The following TTLL11 variants were observed in gnomAD, a reference collection of about 807,000 sequenced individuals.
The protein encoded by TTLL11 is tubulin polyglutamylase TTLL11.
A neutral mutation model predicts 51.7 loss-of-function variants in TTLL11; 42 were observed. That is an observed-to-expected ratio of 0.81 (90% confidence interval 0.64 to 1.05). The LOEUF is 1.05. TTLL11 is among the 50% of genes least tolerant of loss of function. The pLI is 0.00. For missense variants in TTLL11, 799 were observed against 940.4 expected (o/e 0.85, Z 1.97); for synonymous variants, 381 against 383.5 (o/e 0.99, Z 0.08).
intron 4 of TTLL11, among the ~76,000 whole-genome samples, chr9:121,978,582 A>G (rs1842765826): frequency 6.6e-6 from 1 of 152,140 alleles, no homozygotes; most frequent in South Asian, 2.1e-4. Context: ...CAGGAATTGT[A>G]AATGGAGAGC....
chr9:121,993,708 A>C (rs1393187814), intron 3 of TTLL11, among the ~76,000 whole-genome samples: 1 of 152,220 alleles, frequency 6.6e-6, no homozygotes, highest in African/African-American at 2.4e-5. Flanking sequence ...TCAGCAGGGC[A>C]TTTGGAGGAA....
At chr9:121,940,688 C>T (rs1470699396) in intron 6 of TTLL11, among the ~76,000 whole-genome samples, 3 of 152,162 alleles carry the variant, frequency 2.0e-5, no homozygotes, top group Non-Finnish European at 4.4e-5. Flanking sequence ...CACACACAAT[C>T]ATCCACCACA....
At chr9:121,860,942 G>T (rs549956965) in intron 7 of TTLL11, among the ~76,000 whole-genome samples, 2 of 152,200 alleles carry the variant, frequency 1.3e-5, no homozygotes, top group African/African-American at 4.8e-5. Context: ...TGGAACTACC[G>T]CAGGGTGACT....
At position 121,819,651 on chromosome 9, in the gene TTLL11, C is replaced by T. The variant is rs1380143623; in HGVS notation, c.*2936G>A. On this transcript the variant is annotated 3_prime_UTR_variant, in exon 9 of 9. Coordinates refer to ENST00000321582, the MANE Select transcript of TTLL11 (RefSeq NM_001139442.2). Reference sequence around the variant, plus strand: ...GAGGGAGAAGACGCTGGAGATGGATCCTGAGGGCGCTTGCAGGGATGGGGC... The same window carrying T: ...GAGGGAGAAGACGCTGGAGATGGATTCTGAGGGCGCTTGCAGGGATGGGGC... Among the ~76,000 whole-genome samples the T allele has an allele frequency of 6.6e-6, 1 of 152,102 alleles. No homozygotes were observed. Among genetic ancestry groups the T allele is most frequent in the African/African-American group, 2.4e-5 (1 of 41,414 alleles).
chr9:121,841,785 C>T (rs1252846754), intron 8 of TTLL11, among the ~76,000 whole-genome samples: 2 of 152,048 alleles, frequency 1.3e-5, no homozygotes, highest in Non-Finnish European at 2.9e-5. Flanking sequence ...GGTTGTCTAG[C>T]AGCAGCCGTC....
At chr9:121,858,187 G>A (rs971527396) in intron 8 of TTLL11, among the ~76,000 whole-genome samples, 1 of 152,174 alleles carries the variant, frequency 6.6e-6, no homozygotes, top group South Asian at 2.1e-4. Flanking sequence ...GCAGAGATGC[G>A]ATAGAGGCAC....
At chr9:122,065,952 T>C (rs928613134) in intron 1 of TTLL11, among the ~76,000 whole-genome samples, 27 of 152,164 alleles carry the variant, frequency 1.8e-4, no homozygotes, top group African/African-American at 5.8e-4. Flanking sequence ...CTAAGCTATA[T>C]TGCAGAAAAA....
At chr9:121,986,060 C>T (rs565332452) in intron 4 of TTLL11, among the ~76,000 whole-genome samples, 5 of 152,136 alleles carry the variant, frequency 3.3e-5, no homozygotes, top group Admixed American at 6.5e-5. Flanking sequence ...TTGATCCTGG[C>T]GTCTCCCCCC....
chr9:122,069,112 CA>C (rs1306661198), intron 1 of TTLL11, among the ~76,000 whole-genome samples: 1 of 152,226 alleles, frequency 6.6e-6, no homozygotes, highest in East Asian at 1.9e-4. Context: ...CAAGTGAATA[CA>C]CACAGTGAAC....
intron 6 of TTLL11, among the ~76,000 whole-genome samples, chr9:121,914,171 A>G (rs1228723094): frequency 1.2e-4 from 18 of 152,214 alleles, no homozygotes; most frequent in Non-Finnish European, 1.5e-5. Context: ...GGTCAAACCA[A>G]TTTGCAATCT....
chr9:121,910,627 G>C (rs558375430), intron 6 of TTLL11, among the ~76,000 whole-genome samples: 350 of 152,308 alleles, frequency 2.3e-3, no homozygotes, highest in African/African-American at 8.2e-3. Flanking sequence ...GGGTTTGTAG[G>C]GAAAGTGACA....
chr9:122,026,530 T>TCC (rs1844347506), intron 3 of TTLL11, among the ~76,000 whole-genome samples: 1 of 152,090 alleles, frequency 6.6e-6, no homozygotes, highest in Non-Finnish European at 1.5e-5. Flanking sequence ...TTATCTTGAT[T>TCC]GTGGTGATGA....
intron 2 of TTLL11, among the ~76,000 whole-genome samples, chr9:122,038,392 C>T (rs1395837237): frequency 6.6e-6 from 1 of 152,110 alleles, no homozygotes; most frequent in East Asian, 1.9e-4. Flanking sequence ...CGCTTGTAAT[C>T]CCAGCACTGT....
In TTLL11 at chr9:121,986,397, A is replaced by G. The variant is rs562818799; in HGVS notation, c.1269+2798T>C. ...GTCATTGTCAAACAGATCTGACCAC[A>G]TGGTCCCCCGGGATGACCCCTGGAC... On this transcript the variant is annotated intron_variant, in intron 4 of 8. Coordinates refer to ENST00000321582, the MANE Select transcript of TTLL11 (RefSeq NM_001139442.2). Among the ~76,000 whole-genome samples, 4 of 152,202 alleles carry G rather than the reference A, an allele frequency of 2.6e-5. No homozygotes were observed. The South Asian group carries it at 8.3e-4, about 31-fold the overall frequency.
At position 121,947,499 on chromosome 9, in the gene TTLL11, A is replaced by C. The variant is rs144517894; in HGVS notation, c.1481+26510T>G. Reference sequence around the variant, plus strand: ...CGAAAAATATACACCTGTAATTTTTATCAAGATGCCACATGGGTACAGATG... The same window carrying C: ...CGAAAAATATACACCTGTAATTTTTCTCAAGATGCCACATGGGTACAGATG... On this transcript the variant is annotated intron_variant, in intron 6 of 8. Transcript: ENST00000321582. Among the ~76,000 whole-genome samples, 1,144 of 152,334 alleles carry C rather than the reference A, an allele frequency of 7.5e-3. 11 individuals carry two copies. Among genetic ancestry groups the C allele is most frequent in the African/African-American group, 0.027 (1,102 of 41,568 alleles).
intron 6 of TTLL11, among the ~76,000 whole-genome samples, chr9:121,968,414 G>A (rs968500640): frequency 3.9e-5 from 6 of 152,134 alleles, no homozygotes; most frequent in African/African-American, 9.7e-5. Flanking sequence ...CTCCAATGTC[G>A]ATTCTAGTCC....
intron 8 of TTLL11, among the ~76,000 whole-genome samples, chr9:121,844,891 C>T (rs1837471667): frequency 6.6e-6 from 1 of 151,506 alleles, no homozygotes; most frequent in African/African-American, 2.4e-5. Flanking sequence ...ACAAAAAGTA[C>T]AAAATATATG....
At chr9:121,948,654 C>T (rs752236416) in intron 6 of TTLL11, among the ~76,000 whole-genome samples, 3 of 152,180 alleles carry the variant, frequency 2.0e-5, no homozygotes, top group Non-Finnish European at 4.4e-5. Context: ...GAGCAACTTG[C>T]TCAAGGTCAC....
At chr9:122,066,170 G>A (rs1177422824) in intron 1 of TTLL11, among the ~76,000 whole-genome samples, 1 of 151,732 alleles carries the variant, frequency 6.6e-6, no homozygotes, top group African/African-American at 2.4e-5. Context: ...CTCAAAGGCT[G>A]GTGGACTGGG....
Sources: gnomAD v4.1 joint callset for allele counts (sites outside exome capture counted in the v4.1 genomes callset) on GRCh38, gnomAD v4.1.1 for gene constraint, MANE v1.5 for transcripts, NCBI Gene and HGNC (gene_info 2026-07-23, HGNC 2026-07-21) for gene names.